Variants in CNBD1 observed in about 807,000 individuals in gnomAD.
CNBD1 encodes the protein cyclic nucleotide-binding domain-containing protein 1.
In CNBD1, 71 loss-of-function variants were observed where a neutral mutation model predicts 54.4. That is an observed-to-expected ratio of 1.30 (90% CI 1.08 to 1.59). The LOEUF (loss-of-function observed/expected upper bound fraction) is 1.59, where lower values mean the gene tolerates loss of function less well. Ranked by LOEUF, CNBD1 falls within the 40% of genes most tolerant of loss-of-function variation. The pLI is 0.00. For missense variants in CNBD1, 659 were observed against 518.0 expected (o/e 1.27, Z -2.64); for synonymous variants, 182 against 170.7 (o/e 1.07, Z -0.51).
chr8:87,127,631 C>T (rs921714629), intron 4 of CNBD1, among the ~76,000 whole-genome samples: 10 of 152,078 alleles, frequency 6.6e-5, no homozygotes, highest in Admixed American at 5.2e-4. Flanking sequence ...TTTACTGTCT[C>T]TATATCACTT....
At chr8:87,311,501 G>A (rs1019909369) in intron 8 of CNBD1, among the ~76,000 whole-genome samples, 1 of 152,080 alleles carries the variant, frequency 6.6e-6, no homozygotes, top group African/African-American at 2.4e-5. Flanking sequence ...CAGTTGGTGG[G>A]AATGTAAATT....
intron 6 of CNBD1, among the ~76,000 whole-genome samples, chr8:87,256,014 T>C (rs1318731324): frequency 5.4e-5 from 1 of 18,466 alleles, no homozygotes; most frequent in Non-Finnish European, 8.7e-5. Flanking sequence ...TATATATATA[T>C]ATTTTTTTTT....
Position 86,905,205 on chromosome 8 carries a change from C to G in CNBD1, c.272+11C>G, listed in dbSNP as rs753240701. The stretch of plus-strand genomic sequence containing the variant: ...ACAGGAGGAACAAAGGTAATGATAC[C>G]TTCTTTTGAAAGCAAGGTTGATGGG... On this transcript the variant is annotated intron_variant, in intron 3 of 10. Coordinates refer to ENST00000518476, the MANE Select transcript of CNBD1 (RefSeq NM_173538.3). The G allele has an allele frequency of 8.6e-6, 13 of 1,505,242 alleles. No individual in the cohort carries two copies. The South Asian group carries it at 1.4e-4, about 16-fold the overall frequency. 93.2% of individuals were successfully genotyped at this position (1,505,242 alleles called of 1,614,324 possible).
intron 1 of CNBD1, among the ~76,000 whole-genome samples, chr8:86,873,606 C>T (rs1454579696): frequency 6.6e-6 from 1 of 151,828 alleles, no homozygotes; most frequent in Non-Finnish European, 1.5e-5. Flanking sequence ...CTAGCCTTGG[C>T]AACATAGTGA....
At chr8:87,115,479 T>A (rs1811749555) in intron 4 of CNBD1, among the ~76,000 whole-genome samples, 1 of 152,172 alleles carries the variant, frequency 6.6e-6, no homozygotes, top group Non-Finnish European at 1.5e-5. Flanking sequence ...AATGGGCAGA[T>A]TTTCAAGTTG....
intron 10 of CNBD1, among the ~76,000 whole-genome samples, chr8:87,368,252 G>T (rs906907851): frequency 1.1e-4 from 16 of 151,920 alleles, no homozygotes; most frequent in African/African-American, 3.9e-4. Flanking sequence ...GTAGAAATTT[G>T]TTCTTGATTG....
chr8:87,229,120 C>T lies in CNBD1; in HGVS notation c.578-7799C>T, dbSNP rs185242721. 2.9e-3 allele frequency among the ~76,000 whole-genome samples: 441 copies of T among 152,258 alleles called. 5 individuals are homozygous for T. Among genetic ancestry groups the T allele is most frequent in the African/African-American group, 9.1e-3 (379 of 41,554 alleles). On this transcript the variant is annotated intron_variant, in intron 5 of 10. Coordinates refer to ENST00000518476, the MANE Select transcript of CNBD1 (RefSeq NM_173538.3). ...GCCCTGCTTTGGCTCGCACATGGTG[C>T]GCGCACCCACTGACCTGCGCCCGCT... is the stretch of plus-strand genomic sequence containing the variant.
At chr8:87,318,923 G>A (rs554984331) in intron 8 of CNBD1, among the ~76,000 whole-genome samples, 3 of 152,026 alleles carry the variant, frequency 2.0e-5, no homozygotes, top group Non-Finnish European at 4.4e-5. Flanking sequence ...AAACTTGTAA[G>A]AGTTTTAGGA....
At chr8:87,387,574 C>T (rs1237121999), downstream of CNBD1, among the ~76,000 whole-genome samples, 2 of 152,156 alleles carry the variant, frequency 1.3e-5, no homozygotes, top group South Asian at 2.1e-4. Context: ...AACATATATG[C>T]ACCCAATACA....
chr8:87,155,557 G>A (rs566092069), intron 4 of CNBD1, among the ~76,000 whole-genome samples: 2 of 152,304 alleles, frequency 1.3e-5, no homozygotes, highest in Admixed American at 6.5e-5. Context: ...CTGATTAGAT[G>A]TATGATATTT....
At chr8:87,323,790 T>A (rs1288413133) in intron 8 of CNBD1, among the ~76,000 whole-genome samples, 2 of 101,980 alleles carry the variant, frequency 2.0e-5, no homozygotes, top group Admixed American at 1.8e-4. Flanking sequence ...TGAATACCCT[T>A]TATTTCCTTC....
chr8:87,293,524 C>T (rs1237903574), intron 8 of CNBD1, among the ~76,000 whole-genome samples: 1 of 152,168 alleles, frequency 6.6e-6, no homozygotes, highest in Non-Finnish European at 1.5e-5. Context: ...GCCTGGGTGA[C>T]AGAGCAAGAC....
chr8:86,971,063 T>G (rs1340344808), intron 4 of CNBD1, among the ~76,000 whole-genome samples: 1 of 152,224 alleles, frequency 6.6e-6, no homozygotes, highest in Non-Finnish European at 1.5e-5. Context: ...TTATCACATT[T>G]TAAATATATA....
chr8:87,033,824 T>A (rs1488920940), intron 4 of CNBD1, among the ~76,000 whole-genome samples: 5 of 152,208 alleles, frequency 3.3e-5, no homozygotes, highest in African/African-American at 4.8e-5. Flanking sequence ...TGACGTTTTT[T>A]AAGCCAAACC....
intron 5 of CNBD1, among the ~76,000 whole-genome samples, chr8:87,218,547 G>GA (rs1447436178): frequency 2.0e-5 from 3 of 152,040 alleles, no homozygotes; most frequent in Admixed American, 2.0e-4. Flanking sequence ...TTACTTTTGT[G>GA]AAAATCTTAG....
chr8:87,189,111 T>C (rs966097115), intron 4 of CNBD1, among the ~76,000 whole-genome samples: 5 of 152,168 alleles, frequency 3.3e-5, no homozygotes, highest in African/African-American at 9.7e-5. Context: ...AGCATCTGTG[T>C]ATTTCAGTAA....
intron 4 of CNBD1, among the ~76,000 whole-genome samples, chr8:87,049,861 G>A (rs954449469): frequency 6.6e-6 from 1 of 152,152 alleles, no homozygotes; most frequent in African/African-American, 2.4e-5. Context: ...TAACTTGGTG[G>A]CCTCTGGCAC....
chr8:87,267,341 T>A (rs957292559), intron 6 of CNBD1, among the ~76,000 whole-genome samples: 1 of 152,164 alleles, frequency 6.6e-6, no homozygotes, highest in Non-Finnish European at 1.5e-5. Context: ...TGAATATTAT[T>A]TCTTACACCA....
Position 87,353,671 on chromosome 8 carries a change from TAAG to T in CNBD1, c.1189_1191del (p.Lys397del). ...AAAAACTTGTTTATATGGGGAAACT[TAAG>T]GAGAAGGAGTCCTTTGGTGAGATTA... On this transcript the variant is annotated inframe_deletion, in exon 10 of 11. Coordinates refer to ENST00000518476, the MANE Select transcript of CNBD1 (RefSeq NM_173538.3). 5 of 1,601,794 alleles carry T rather than the reference TAAG, an allele frequency of 3.1e-6. No individual in the cohort carries two copies. The highest frequency in any genetic ancestry group is 4.3e-6 in the Non-Finnish European group (5 of 1,174,732).
Sources: gnomAD v4.1 joint callset for allele counts (sites outside exome capture counted in the v4.1 genomes callset) on GRCh38, gnomAD v4.1.1 for gene constraint, MANE v1.5 for transcripts, NCBI Gene and HGNC (gene_info 2026-07-23, HGNC 2026-07-21) for gene names.